The following RBMS1 variants were observed in gnomAD, a reference collection of about 807,000 sequenced individuals.
RBMS1 encodes the protein RNA binding motif single stranded interacting protein 1.
A neutral mutation model predicts 62.3 loss-of-function variants in RBMS1; 17 were observed. That is an observed-to-expected ratio of 0.27 (90% CI 0.19 to 0.41). RBMS1 has a LOEUF of 0.41. RBMS1 is among the 10% of genes least tolerant of loss of function. RBMS1 has a pLI of 1.00. For synonymous variants in RBMS1, 172 were observed against 170.0 expected (o/e 1.01, Z -0.09); for missense variants, 334 against 504.5 (o/e 0.66, Z 3.24).
In RBMS1 at chr2:160,448,278, ACTCCCC is replaced by A. The variant is rs899534642; in HGVS notation, c.75+45005_75+45010del. Among the ~76,000 whole-genome samples, 239 of 146,408 alleles carry A rather than the reference ACTCCCC, an allele frequency of 1.6e-3. 3 individuals are homozygous for A. In the South Asian group the frequency reaches 0.017, roughly 11 times the overall value. On this transcript the variant is annotated intron_variant, in intron 1 of 13. Coordinates refer to ENST00000348849, the MANE Select transcript of RBMS1 (RefSeq NM_016836.4). The stretch of plus-strand genomic sequence containing the variant: ...CTACTTGGGGATTTGAAAACCATTA[ACTCCCC>A]CTCCCCCTCCCCCTCCCCCTCTCCC...
rs1182049370 is a variant in RBMS1, at chr2:160,357,683, C to G, written c.251+9533G>C. On this transcript the variant is annotated intron_variant, in intron 2 of 13. Coordinates refer to ENST00000348849, the MANE Select transcript of RBMS1 (RefSeq NM_016836.4). ...GCACGTTATGAAGCCAGTGAAGAAG[C>G]ATAGCCCATTACCTAAGGTCCATAT... Among the ~76,000 whole-genome samples, 4 of 152,112 alleles carry G rather than the reference C, an allele frequency of 2.6e-5. No individual in the cohort carries two copies. The East Asian group carries it at 7.7e-4, about 29-fold the overall frequency.
At chr2:160,402,091 C>T (rs1234508537) in intron 1 of RBMS1, 1 of 151,706 alleles carries the variant, frequency 6.6e-6, no homozygotes, top group Non-Finnish European at 1.5e-5. Flanking sequence ...GGACCACCCG[C>T]TGTTGCTTGC....
intron 2 of RBMS1, among the ~76,000 whole-genome samples, chr2:160,340,535 A>AGG (rs1036819930): frequency 5.9e-5 from 9 of 152,112 alleles, no homozygotes; most frequent in African/African-American, 1.9e-4. Flanking sequence ...TAGAAATTAT[A>AGG]GGGGGCTTGG....
intron 6 of RBMS1, among the ~76,000 whole-genome samples, chr2:160,294,975 C>T (rs1191791324): frequency 3.4e-5 from 5 of 147,190 alleles, no homozygotes; most frequent in Non-Finnish European, 7.5e-5. Context: ...GTATCTAATA[C>T]ACAAACTGGT....
At chr2:160,288,062 T>C (rs1167638435) in intron 6 of RBMS1, among the ~76,000 whole-genome samples, 2 of 150,090 alleles carry the variant, frequency 1.3e-5, no homozygotes, top group Non-Finnish European at 3.0e-5. Context: ...AAAAAAAGTC[T>C]ACAGACAGCA....
rs1687620490 is a variant in RBMS1, at chr2:160,272,321, G to A, written c.*2451C>T. 1 of 152,154 alleles carries A rather than the reference G, an allele frequency of 6.6e-6. No individual in the cohort carries two copies. The highest frequency in any genetic ancestry group is 2.4e-5 in the African/African-American group (1 of 41,434). The allele number at this position is 152,154 out of a possible 1,614,324, so 9.4% of individuals were successfully genotyped here. A position where few individuals can be genotyped will look rare whatever the true frequency, so the allele number is the denominator to read the frequency against. ...CGGACAAATAAGTTACCACTGGCAA[G>A]TCTGTGGCACTAGTAAAACAAAAAT... On this transcript the variant is annotated 3_prime_UTR_variant, in exon 14 of 14. Coordinates refer to ENST00000348849, the MANE Select transcript of RBMS1 (RefSeq NM_016836.4).
At chr2:160,405,001 G>A (rs1695626368) in intron 1 of RBMS1, among the ~76,000 whole-genome samples, 2 of 152,208 alleles carry the variant, frequency 1.3e-5, no homozygotes, top group Admixed American at 6.5e-5. Context: ...GAGTTGAATA[G>A]ACTTTGGGCA....
intron 11 of RBMS1, 192 bp downstream of exon 11, chr2:160,278,356 A>G (rs902186882): frequency 9.7e-6 from 6 of 616,502 alleles, no homozygotes; most frequent in African/African-American, 9.2e-5. Flanking sequence ...ATACCCAGAG[A>G]ATAGACTTTC....
intron 1 of RBMS1, among the ~76,000 whole-genome samples, chr2:160,430,511 A>G (rs921542882): frequency 6.6e-6 from 1 of 152,230 alleles, no homozygotes; most frequent in African/African-American, 2.4e-5. Context: ...TAAATGCTAT[A>G]TATCCCTATT....
intron 1 of RBMS1, among the ~76,000 whole-genome samples, chr2:160,426,301 G>GAAAGAAAGAAAGAAAGAAAAGAAA (rs1559537559): frequency 1.0e-4 from 3 of 28,584 alleles, no homozygotes; most frequent in Non-Finnish European, 1.6e-4. Flanking sequence ...AAAGAAAGAA[G>GAAAGAAAGAAAGAAAGAAAAGAAA]GAAGGAAGGA....
chr2:160,381,342 G>A (rs1261415566), intron 1 of RBMS1, among the ~76,000 whole-genome samples: 1 of 152,046 alleles, frequency 6.6e-6, no homozygotes, highest in African/African-American at 2.4e-5. Flanking sequence ...AACCTAGGCA[G>A]TCCTTAAAAA....
At chr2:160,354,939 C>T (rs1347425292) in intron 2 of RBMS1, among the ~76,000 whole-genome samples, 1 of 152,112 alleles carries the variant, frequency 6.6e-6, no homozygotes, top group East Asian at 1.9e-4. Context: ...TACTTTCTCG[C>T]TAATTCTAGA....
chr2:160,348,226 C>A (rs561335259), intron 2 of RBMS1, among the ~76,000 whole-genome samples: 19 of 152,196 alleles, frequency 1.2e-4, no homozygotes, highest in Admixed American at 1.2e-3. Context: ...TGCTCCCCAA[C>A]AAGGTATTTT....
intron 1 of RBMS1, among the ~76,000 whole-genome samples, chr2:160,388,679 G>A (rs1333049972): frequency 6.6e-6 from 1 of 152,198 alleles, no homozygotes; most frequent in Non-Finnish European, 1.5e-5. Flanking sequence ...AAAACTGCCT[G>A]CTCTCTGCCC....
At chr2:160,361,681 C>T (rs541363737) in intron 2 of RBMS1, among the ~76,000 whole-genome samples, 9 of 152,276 alleles carry the variant, frequency 5.9e-5, no homozygotes, top group South Asian at 2.1e-4. Context: ...ATTAGCCAGG[C>T]ACAGTGGTGC....
intron 1 of RBMS1, among the ~76,000 whole-genome samples, chr2:160,399,522 A>C (rs6738568): frequency 0.69 from 104,449 of 150,962 alleles, 36,607 homozygotes; most frequent in East Asian, 0.88. Flanking sequence ...AGATTCCTGT[A>C]TGCTTTTTTT....
chr2:160,334,123 G>A (rs768271539), intron 2 of RBMS1, among the ~76,000 whole-genome samples: 1 of 152,086 alleles, frequency 6.6e-6, no homozygotes, highest in Non-Finnish European at 1.5e-5. Flanking sequence ...TGTTCACAGA[G>A]CATTTATCTA....
At chr2:160,424,421 T>C (rs1042256731) in intron 1 of RBMS1, among the ~76,000 whole-genome samples, 3 of 151,562 alleles carry the variant, frequency 2.0e-5, no homozygotes, top group Non-Finnish European at 4.4e-5. Context: ...ACTCTTACTG[T>C]CTGTTTTGTC....
At chr2:160,419,633 C>A (rs1379699509) in intron 1 of RBMS1, among the ~76,000 whole-genome samples, 1 of 152,124 alleles carries the variant, frequency 6.6e-6, no homozygotes, top group Non-Finnish European at 1.5e-5. Flanking sequence ...TAGTGGATGT[C>A]AGTGTATTAA....
Sources: allele counts gnomAD v4.1 joint callset (sites outside exome capture counted in the v4.1 genomes callset), GRCh38; gene constraint gnomAD v4.1.1; transcripts MANE v1.5; gene names NCBI Gene and HGNC (gene_info 2026-07-23, HGNC 2026-07-21).